Variants in CRISPLD1 observed in about 807,000 individuals in gnomAD.
CRISPLD1 encodes the protein cysteine rich secretory protein LCCL domain containing 1, also known as cysteine-rich secretory protein LCCL domain-containing 1.
Under a neutral mutation model 77.5 loss-of-function variants are expected in CRISPLD1, and 60 were observed. The ratio of observed to expected loss-of-function variants is 0.77; its 90% confidence interval spans 0.63 to 0.96. The LOEUF is 0.96. CRISPLD1 is among the 40% of genes least tolerant of loss of function. The probability of loss-of-function intolerance (pLI) is 0.00; values close to 1 mark genes in which losing one functional copy is unlikely to be tolerated. For missense variants in CRISPLD1, 623 were observed against 615.8 expected, an observed-to-expected ratio of 1.01 and a Z score of -0.12; for synonymous variants, 195 against 200.1, an observed-to-expected ratio of 0.97 and a Z score of 0.22.
chr8:74,991,272 A>G (rs1458620707), intron 2 of CRISPLD1, among the ~76,000 whole-genome samples: 2 of 152,140 alleles, frequency 1.3e-5, no homozygotes, highest in African/African-American at 4.8e-5. Flanking sequence ...CTGGCATTAC[A>G]GATGTGAGCC....
chr8:75,028,094 T>C (rs942460132), intron 13 of CRISPLD1, among the ~76,000 whole-genome samples: 2 of 152,194 alleles, frequency 1.3e-5, no homozygotes, highest in Non-Finnish European at 2.9e-5. Flanking sequence ...ACAGAACAAA[T>C]ACTGAAATGT....
At chr8:75,013,403 C>T (rs1198400928) in intron 4 of CRISPLD1, among the ~76,000 whole-genome samples, 4 of 151,906 alleles carry the variant, frequency 2.6e-5, no homozygotes, top group East Asian at 1.9e-4. Flanking sequence ...ATTTATATTT[C>T]GTGTTCACAA....
chr8:75,008,467 A>G (rs964369710), intron 2 of CRISPLD1, among the ~76,000 whole-genome samples: 1 of 152,188 alleles, frequency 6.6e-6, no homozygotes, highest in Admixed American at 6.6e-5. Context: ...AGCTTTAACA[A>G]ATATGTACCA....
chr8:75,032,386 C>G lies in CRISPLD1; in HGVS notation c.*144C>G. On this transcript the variant is annotated 3_prime_UTR_variant, in exon 15 of 15. Transcript: ENST00000262207. ...CCAAATGCATATAAATCTTGATAAACAAAGTCTATAAAATAAAACATGGGA... is the reference window on the plus strand; with the variant it reads ...CCAAATGCATATAAATCTTGATAAAGAAAGTCTATAAAATAAAACATGGGA... 2.3e-6 allele frequency: 1 copy of G among 443,028 alleles called. No homozygotes were observed. Among genetic ancestry groups the G allele is most frequent in the East Asian group, 3.4e-5 (1 of 29,326 alleles). The allele number at this position is 443,028 out of a possible 1,614,324, so 27.4% of individuals were successfully genotyped here. A position where few individuals can be genotyped will look rare whatever the true frequency, so the allele number is the denominator to read the frequency against.
intron 12 of CRISPLD1, among the ~76,000 whole-genome samples, chr8:75,021,417 G>A (rs904421241): frequency 6.6e-6 from 1 of 152,038 alleles, no homozygotes; most frequent in African/African-American, 2.4e-5. Context: ...AATATTTTTG[G>A]TCAGCTAACT....
At chr8:75,013,726 T>C (rs1812976752) in intron 4 of CRISPLD1, among the ~76,000 whole-genome samples, 1 of 152,188 alleles carries the variant, frequency 6.6e-6, no homozygotes, top group Non-Finnish European at 1.5e-5. Context: ...ATGTAACTTT[T>C]GAATTATTTA....
At chr8:75,017,828 C>G (rs537218673) in intron 10 of CRISPLD1, among the ~76,000 whole-genome samples, 9 of 152,090 alleles carry the variant, frequency 5.9e-5, no homozygotes, top group Non-Finnish European at 1.3e-4. Context: ...GCAACAGTAA[C>G]TTTGTTGATA....
chr8:75,011,793 A>T (rs1563397889), intron 2 of CRISPLD1, among the ~76,000 whole-genome samples: 1 of 152,142 alleles, frequency 6.6e-6, no homozygotes, highest in South Asian at 2.1e-4. Flanking sequence ...AGACACTAGA[A>T]ATAGACCAAA....
chr8:75,020,088 G>C lies in CRISPLD1; in HGVS notation c.1244+9G>C, dbSNP rs1813106439. ...GCTTCACATTGCCCAAGGTAAACCAGTGTACACATAGGGGGCTTTGGCCCT... is the reference window on the plus strand; with the variant it reads ...GCTTCACATTGCCCAAGGTAAACCACTGTACACATAGGGGGCTTTGGCCCT... On this transcript the variant is annotated intron_variant, in intron 12 of 14. Coordinates refer to ENST00000262207, the MANE Select transcript of CRISPLD1 (RefSeq NM_031461.6). The C allele has an allele frequency of 6.2e-7, 1 of 1,610,630 alleles. No individual in the cohort carries two copies. The highest frequency in any genetic ancestry group is 1.3e-5 in the African/African-American group (1 of 74,838).
chr8:74,987,485 G>A (rs1280517138), intron 2 of CRISPLD1, among the ~76,000 whole-genome samples: 1 of 152,186 alleles, frequency 6.6e-6, no homozygotes, highest in Non-Finnish European at 1.5e-5. Context: ...TAGCTCATTA[G>A]CAAACATACT....
chr8:75,017,188 C>T (rs903747747), intron 9 of CRISPLD1, 75 bp downstream of exon 9: 1 of 1,509,774 alleles, frequency 6.6e-7, no homozygotes, highest in African/African-American at 1.4e-5. Context: ...TGCAAAATAA[C>T]ACCTTACATA....
At chr8:74,994,266 T>C (rs1812615688) in intron 2 of CRISPLD1, among the ~76,000 whole-genome samples, 1 of 152,202 alleles carries the variant, frequency 6.6e-6, no homozygotes, top group Non-Finnish European at 1.5e-5. Flanking sequence ...TATAAATCCC[T>C]ATGTGATCAT....
chr8:74,987,350 C>G lies in CRISPLD1; in HGVS notation c.258+1105C>G, dbSNP rs940031411. Among the ~76,000 whole-genome samples the G allele has an allele frequency of 2.6e-5, 4 of 152,158 alleles. No homozygotes were observed. The South Asian group carries it at 8.3e-4, about 32-fold the overall frequency. On this transcript the variant is annotated intron_variant, in intron 2 of 14. Coordinates refer to ENST00000262207, the MANE Select transcript of CRISPLD1 (RefSeq NM_031461.6). ...CTGGGTTAAACTTCTGGCACTGACA[C>G]GCACTAGCTATGTGACATTGGGCGC...
chr8:75,007,426 G>A (rs1812851141), intron 2 of CRISPLD1, among the ~76,000 whole-genome samples: 1 of 130,276 alleles, frequency 7.7e-6, no homozygotes, highest in Non-Finnish European at 1.6e-5. Flanking sequence ...ACCATAGCAG[G>A]TGTTCCAGTG....
At chr8:74,997,630 A>C (rs1483624368) in intron 2 of CRISPLD1, among the ~76,000 whole-genome samples, 1 of 152,194 alleles carries the variant, frequency 6.6e-6, no homozygotes, top group Admixed American at 6.5e-5. Flanking sequence ...TGAATGCCTT[A>C]GACTGAGCCG....
chr8:75,004,872 A>G (rs1812802436), intron 2 of CRISPLD1, among the ~76,000 whole-genome samples: 1 of 150,216 alleles, frequency 6.7e-6, no homozygotes, highest in Non-Finnish European at 1.5e-5. Flanking sequence ...TGCTTTATTT[A>G]AATGTTTTAC....
At chr8:74,992,456 A>G (rs1406554211) in intron 2 of CRISPLD1, among the ~76,000 whole-genome samples, 1 of 152,218 alleles carries the variant, frequency 6.6e-6, no homozygotes, top group Non-Finnish European at 1.5e-5. Context: ...TTTAACATAG[A>G]GTCTCTAAAA....
intron 2 of CRISPLD1, among the ~76,000 whole-genome samples, chr8:74,988,933 A>G (rs1367590362): frequency 2.0e-5 from 3 of 152,258 alleles, no homozygotes; most frequent in Non-Finnish European, 2.9e-5. Context: ...AAATTTGCTC[A>G]TAAGCAAGGA....
At chr8:75,009,175 C>T (rs1213180894) in intron 2 of CRISPLD1, among the ~76,000 whole-genome samples, 3 of 152,130 alleles carry the variant, frequency 2.0e-5, no homozygotes, top group Admixed American at 6.5e-5. Flanking sequence ...GAGTTGCTGT[C>T]ATCTGAGGGC....
Sources: gnomAD v4.1 joint callset for allele counts (sites outside exome capture counted in the v4.1 genomes callset) on GRCh38, gnomAD v4.1.1 for gene constraint, MANE v1.5 for transcripts, NCBI Gene and HGNC (gene_info 2026-07-23, HGNC 2026-07-21) for gene names.